SYN3: variants seen among roughly 807,000 people sequenced by gnomAD.
SYN3 encodes the protein synapsin III.
In SYN3, 35 loss-of-function variants were observed where a neutral mutation model predicts 65.8. That is an observed-to-expected ratio of 0.53 (90% CI 0.41 to 0.70). SYN3 has a LOEUF of 0.70. Among genes scored for constraint, SYN3 ranks in the 30% least tolerant of loss-of-function variants. The pLI is 0.00. For missense variants in SYN3, 680 were observed against 749.0 expected, an observed-to-expected ratio of 0.91 and a Z score of 1.08; for synonymous variants, 270 against 292.9, an observed-to-expected ratio of 0.92 and a Z score of 0.80.
At chr22:32,525,238 G>A (rs1189081891) in intron 12 of SYN3, among the ~76,000 whole-genome samples, 1 of 152,172 alleles carries the variant, frequency 6.6e-6, no homozygotes, top group Non-Finnish European at 1.5e-5. Context: ...AAACTTCAGT[G>A]GAGGAAGTAA....
intron 2 of SYN3, among the ~76,000 whole-genome samples, chr22:32,984,141 G>A (rs1601840301): frequency 8.8e-6 from 1 of 113,660 alleles, no homozygotes; most frequent in Non-Finnish European, 1.7e-5. Context: ...CAACCTGGGC[G>A]ACAAGAATGA....
At chr22:32,873,554 A>G (rs2048907732) in intron 4 of SYN3, among the ~76,000 whole-genome samples, 1 of 152,166 alleles carries the variant, frequency 6.6e-6, no homozygotes, top group Non-Finnish European at 1.5e-5. Context: ...TCCTTTTTCT[A>G]GAAACAGAGC....
intron 7 of SYN3, among the ~76,000 whole-genome samples, chr22:32,546,844 C>A (rs1405874198): frequency 6.6e-6 from 1 of 151,980 alleles, no homozygotes; most frequent in Non-Finnish European, 1.5e-5. Context: ...GCCTCCCTCG[C>A]CCCTCTTCTC....
At chr22:32,757,336 T>A (rs1029988047) in intron 6 of SYN3, among the ~76,000 whole-genome samples, 5 of 142,938 alleles carry the variant, frequency 3.5e-5, no homozygotes, top group African/African-American at 1.3e-4. Context: ...TTGCTCTTCT[T>A]GCCCAGGCTG....
intron 6 of SYN3, among the ~76,000 whole-genome samples, chr22:32,713,349 T>A (rs1569166957): frequency 6.6e-6 from 1 of 152,232 alleles, no homozygotes; most frequent in African/African-American, 2.4e-5. Flanking sequence ...ACCTACATTT[T>A]AAATTTTCTG....
chr22:32,597,378 G>T (rs1327590412), intron 6 of SYN3, among the ~76,000 whole-genome samples: 2 of 151,872 alleles, frequency 1.3e-5, no homozygotes. Flanking sequence ...ACCATGCCTG[G>T]CTAATTTTTG....
chr22:32,977,285 C>A (rs1451606272), intron 3 of SYN3, among the ~76,000 whole-genome samples: 1 of 152,102 alleles, frequency 6.6e-6, no homozygotes, highest in Non-Finnish European at 1.5e-5. Flanking sequence ...CCCTGATGGT[C>A]CTGCTCATAG....
intron 6 of SYN3, among the ~76,000 whole-genome samples, chr22:32,756,468 C>A (rs111589531): frequency 1.3e-5 from 2 of 152,138 alleles, no homozygotes; most frequent in Non-Finnish European, 2.9e-5. Flanking sequence ...GATGCTTGCA[C>A]CTATGCATAG....
chr22:32,603,356 C>CAAAAAAAA lies in SYN3; in HGVS notation c.712-6628_712-6621dup, dbSNP rs10670581. On this transcript the variant is annotated intron_variant, in intron 6 of 13. Coordinates refer to ENST00000358763, the MANE Select transcript of SYN3 (RefSeq NM_003490.4). ...TGAAATCCCATCTCTACTAAAAATA[C>CAAAAAAAA]AAAAAAAAAAAAAAATAGCCAGGTA... 2.5e-4 allele frequency among the ~76,000 whole-genome samples: 31 copies of CAAAAAAAA among 125,966 alleles called. No individual in the cohort carries two copies. In the East Asian group the frequency reaches 4.3e-3, roughly 17 times the overall value. The allele number at this position is 125,966 out of a possible 152,430, so 82.6% of individuals were successfully genotyped here.
At chr22:33,016,249 C>T (rs554020720) in intron 1 of SYN3, among the ~76,000 whole-genome samples, 2 of 152,262 alleles carry the variant, frequency 1.3e-5, no homozygotes, top group East Asian at 3.9e-4. Flanking sequence ...AGGTTCACTA[C>T]AAAACAAAGC....
intron 6 of SYN3, among the ~76,000 whole-genome samples, chr22:32,673,544 A>G (rs796314842): frequency 1.2e-4 from 19 of 152,364 alleles, no homozygotes; most frequent in African/African-American, 4.3e-4. Flanking sequence ...CAGATCTGAC[A>G]TAGTGCCATG....
At position 32,508,106 on chromosome 22, in the gene SYN3, C is replaced by A. The variant is rs977537185; in HGVS notation, c.*5586G>T. 4.6e-5 allele frequency among the ~76,000 whole-genome samples: 7 copies of A among 152,168 alleles called. No homozygotes were observed. The highest frequency in any genetic ancestry group is 1.4e-4 in the African/African-American group (6 of 41,432). ...CTGAGCCCAAGCCAAGCCATCGCATCCCCTGTGACTTGCGCGTATACGCCC... is the reference window on the plus strand; with the variant it reads ...CTGAGCCCAAGCCAAGCCATCGCATACCCTGTGACTTGCGCGTATACGCCC... On this transcript the variant is annotated 3_prime_UTR_variant, in exon 14 of 14. Coordinates refer to ENST00000358763, the MANE Select transcript of SYN3 (RefSeq NM_003490.4).
At chr22:32,990,304 C>CCATCCATGAATCCATG (rs1556092015) in intron 2 of SYN3, among the ~76,000 whole-genome samples, 10 of 92,748 alleles carry the variant, frequency 1.1e-4, no homozygotes, top group Admixed American at 6.1e-4. Context: ...ATCCATGAAT[C>CCATCCATGAATCCATG]CATCCATCCA....
intron 6 of SYN3, chr22:32,859,651 CT>C: frequency 2.1e-6 from 1 of 480,638 alleles, no homozygotes; most frequent in Non-Finnish European, 3.7e-6. Context: ...CTGTATTCCT[CT>C]TCTTCGTGAT....
chr22:32,747,032 T>G (rs1446000207), intron 6 of SYN3, among the ~76,000 whole-genome samples: 1 of 151,564 alleles, frequency 6.6e-6, no homozygotes, highest in East Asian at 1.9e-4. Context: ...GGAGCCTGGG[T>G]GGGGTGGGGG....
At chr22:32,946,630 T>A (rs1223290309) in intron 3 of SYN3, among the ~76,000 whole-genome samples, 1 of 152,174 alleles carries the variant, frequency 6.6e-6, no homozygotes, top group Non-Finnish European at 1.5e-5. Flanking sequence ...ACATGGCACA[T>A]GTATACATAG....
intron 12 of SYN3, among the ~76,000 whole-genome samples, chr22:32,523,187 T>C (rs1011087374): frequency 6.6e-6 from 1 of 152,200 alleles, no homozygotes. Flanking sequence ...TATTAATAAT[T>C]GTTTTTGGGT....
At chr22:32,732,940 C>CA (rs770993877) in intron 6 of SYN3, among the ~76,000 whole-genome samples, 8 of 152,098 alleles carry the variant, frequency 5.3e-5, no homozygotes, top group Non-Finnish European at 7.4e-5. Context: ...CAAAACAAGA[C>CA]AAAAATCTGA....
chr22:32,679,881 TTA>T (rs55825843), intron 6 of SYN3, among the ~76,000 whole-genome samples: 4,625 of 111,862 alleles, frequency 0.041, 138 homozygotes, highest in Non-Finnish European at 0.062. Context: ...TAGGAATTCC[TTA>T]TATATTTTGG....
Sources: gnomAD v4.1 joint callset for allele counts (sites outside exome capture counted in the v4.1 genomes callset) on GRCh38, gnomAD v4.1.1 for gene constraint, MANE v1.5 for transcripts, NCBI Gene and HGNC (gene_info 2026-07-23, HGNC 2026-07-21) for gene names.